CDH18: variants seen among roughly 807,000 people sequenced by gnomAD.
CDH18 encodes the protein cadherin-18.
Under a neutral mutation model 67.9 loss-of-function variants are expected in CDH18, and 31 were observed. The ratio of observed to expected loss-of-function variants is 0.46; its 90% CI spans 0.34 to 0.62. The LOEUF (loss-of-function observed/expected upper bound fraction) is 0.62, where lower values mean the gene tolerates loss of function less well. CDH18 is among the 20% of genes least tolerant of loss of function. The pLI, the probability that CDH18 is intolerant of heterozygous loss-of-function variation, is 0.01. For missense variants in CDH18, 890 were observed against 975.5 expected (o/e 0.91, Z 1.17); for synonymous variants, 362 against 347.2 (o/e 1.04, Z -0.48).
intron 2 of CDH18, among the ~76,000 whole-genome samples, chr5:20,100,735 T>A (rs541821678): frequency 6.6e-6 from 1 of 152,202 alleles, no homozygotes; most frequent in South Asian, 2.1e-4. Flanking sequence ...ATCTAATATC[T>A]CAATATGGTC....
intron 7 of CDH18, among the ~76,000 whole-genome samples, chr5:19,574,102 T>C (rs562925791): frequency 2.0e-5 from 3 of 152,270 alleles, no homozygotes; most frequent in Non-Finnish European, 2.9e-5. Context: ...TGTGGAGGGA[T>C]TTGGGCCACC....
At chr5:20,058,363 C>A (rs762254213) in intron 2 of CDH18, among the ~76,000 whole-genome samples, 5 of 151,972 alleles carry the variant, frequency 3.3e-5, no homozygotes, top group Non-Finnish European at 7.4e-5. Context: ...TGATGAATTT[C>A]AAAATGATTA....
chr5:20,396,826 T>C (rs1380261857), intron 1 of CDH18, among the ~76,000 whole-genome samples: 1 of 152,184 alleles, frequency 6.6e-6, no homozygotes, highest in Non-Finnish European at 1.5e-5. Flanking sequence ...AATTAAAATA[T>C]GTTTTGAAAC....
chr5:19,486,104 T>C (rs1390570030), intron 11 of CDH18, among the ~76,000 whole-genome samples: 1 of 152,018 alleles, frequency 6.6e-6, no homozygotes, highest in Non-Finnish European at 1.5e-5. Context: ...AAAGAAAGGA[T>C]GATTCAGGAG....
intron 2 of CDH18, among the ~76,000 whole-genome samples, chr5:20,103,357 T>C (rs954629006): frequency 2.6e-5 from 4 of 152,108 alleles, no homozygotes; most frequent in African/African-American, 9.7e-5. Context: ...AAAATCATCA[T>C]TTGAGATTGC....
At chr5:19,944,991 A>C (rs1241692682) in intron 2 of CDH18, among the ~76,000 whole-genome samples, 2 of 152,170 alleles carry the variant, frequency 1.3e-5, no homozygotes, top group East Asian at 3.9e-4. Flanking sequence ...TCTCTGGCCA[A>C]ATGACAAAGA....
chr5:19,505,499 C>G (rs542804100), intron 10 of CDH18, among the ~76,000 whole-genome samples: 64 of 152,088 alleles, frequency 4.2e-4, no homozygotes, highest in Non-Finnish European at 8.4e-4. Flanking sequence ...CCCATCAATA[C>G]CTAATTTATT....
chr5:20,458,492 C>T (rs530133259), intron 1 of CDH18, among the ~76,000 whole-genome samples: 1 of 152,014 alleles, frequency 6.6e-6, no homozygotes, highest in South Asian at 2.1e-4. Context: ...GTGGCACGTG[C>T]CTGTAGACCT....
chr5:20,032,588 G>A (rs183941942), intron 2 of CDH18, among the ~76,000 whole-genome samples: 1 of 152,028 alleles, frequency 6.6e-6, no homozygotes, highest in East Asian at 1.9e-4. Flanking sequence ...GAATGTGCCA[G>A]GCTTAGTAGT....
intron 1 of CDH18, among the ~76,000 whole-genome samples, chr5:20,265,592 A>G (rs962635070): frequency 6.6e-6 from 1 of 152,128 alleles, no homozygotes; most frequent in Non-Finnish European, 1.5e-5. Flanking sequence ...AATAAAAAAA[A>G]AATTACATTT....
chr5:19,574,240 C>T (rs537505605), intron 7 of CDH18, among the ~76,000 whole-genome samples: 17 of 152,136 alleles, frequency 1.1e-4, no homozygotes, highest in African/African-American at 2.4e-4. Context: ...CCTACTGCTA[C>T]GGTGCAGGCT....
At chr5:19,925,229 G>A (rs910251864) in intron 2 of CDH18, among the ~76,000 whole-genome samples, 2 of 152,158 alleles carry the variant, frequency 1.3e-5, no homozygotes, top group African/African-American at 4.8e-5. Context: ...GGCACCCACA[G>A]CAGCAGACCT....
In CDH18 at chr5:19,537,817, CCA is replaced by C. The variant is rs1491471850; in HGVS notation, c.1390+6050_1390+6051del. Among the ~76,000 whole-genome samples the C allele has an allele frequency of 2.0e-5, 3 of 152,226 alleles. No individual in the cohort carries two copies. In the South Asian group the frequency reaches 6.2e-4, roughly 32 times the overall value. On this transcript the variant is annotated intron_variant, in intron 9 of 12. Transcript: ENST00000382275. ...CTCAATATCCCTGGTGTCTAAAATA[CCA>C]CACTGACTAGCAAGTATCATTTATT...
At chr5:19,605,864 G>A (rs1473982906) in intron 6 of CDH18, among the ~76,000 whole-genome samples, 1 of 152,068 alleles carries the variant, frequency 6.6e-6, no homozygotes, top group African/African-American at 2.4e-5. Context: ...AGAAATTGAG[G>A]ACAAAAGCAC....
chr5:19,743,362 A>G (rs1769487267), intron 4 of CDH18, among the ~76,000 whole-genome samples: 1 of 152,140 alleles, frequency 6.6e-6, no homozygotes, highest in South Asian at 2.1e-4. Flanking sequence ...TCTCCCTATA[A>G]TAGCTTACAA....
intron 7 of CDH18, among the ~76,000 whole-genome samples, chr5:19,583,365 C>A (rs2149993176): frequency 6.6e-6 from 1 of 151,936 alleles, no homozygotes; most frequent in Admixed American, 6.6e-5. Flanking sequence ...TGAAATGTAC[C>A]TGAACATGTT....
chr5:20,138,383 C>T (rs1462484567), intron 2 of CDH18, among the ~76,000 whole-genome samples: 3 of 152,110 alleles, frequency 2.0e-5, no homozygotes, highest in Non-Finnish European at 4.4e-5. Context: ...AAACTGGAAG[C>T]ATTCCCTTTG....
intron 2 of CDH18, among the ~76,000 whole-genome samples, chr5:20,069,298 A>G (rs1743244016): frequency 6.6e-6 from 1 of 152,054 alleles, no homozygotes; most frequent in Non-Finnish European, 1.5e-5. Context: ...CTTCTTCTCA[A>G]GCCTGAGGCT....
chr5:19,764,539 T>C (rs946572868), intron 3 of CDH18, among the ~76,000 whole-genome samples: 2 of 151,532 alleles, frequency 1.3e-5, no homozygotes, highest in Non-Finnish European at 2.9e-5. Flanking sequence ...TGAGGGAAGG[T>C]AGAGAAGAAA....
Sources: allele counts gnomAD v4.1 joint callset (sites outside exome capture counted in the v4.1 genomes callset), GRCh38; gene constraint gnomAD v4.1.1; transcripts MANE v1.5; gene names NCBI Gene and HGNC (gene_info 2026-07-23, HGNC 2026-07-21).